The following RBFOX3 variants were observed in gnomAD, a reference collection of about 807,000 sequenced individuals.
RBFOX3 encodes the protein RNA binding protein fox-1 homolog 3.
A neutral mutation model predicts 48.7 loss-of-function variants in RBFOX3; 17 were observed. The ratio of observed to expected loss-of-function variants is 0.35; its 90% confidence interval spans 0.24 to 0.52. The LOEUF (loss-of-function observed/expected upper bound fraction) is 0.52, where lower values mean the gene tolerates loss of function less well. Among genes scored for constraint, RBFOX3 ranks in the 20% least tolerant of loss-of-function variants. The probability of loss-of-function intolerance (pLI) is 0.94; values close to 1 mark genes in which losing one functional copy is unlikely to be tolerated. For missense variants in RBFOX3, 382 were observed against 497.5 expected (o/e 0.77, Z 2.21); for synonymous variants, 212 against 209.5 (o/e 1.01, Z -0.10).
intron 2 of RBFOX3, among the ~76,000 whole-genome samples, chr17:79,445,851 G>C (rs1176585398): frequency 6.6e-6 from 1 of 152,220 alleles, no homozygotes; most frequent in Non-Finnish European, 1.5e-5. Context: ...GCAGAGGGCA[G>C]GGGCTCTCTG....
At chr17:79,360,088 T>A (rs540316657) in intron 2 of RBFOX3, among the ~76,000 whole-genome samples, 21 of 152,074 alleles carry the variant, frequency 1.4e-4, no homozygotes, top group African/African-American at 4.8e-4. Flanking sequence ...TATGACTGGG[T>A]GTTTGCCTTT....
Position 79,580,370 on chromosome 17 carries a change from C to G in RBFOX3, c.-320+30456G>C, listed in dbSNP as rs1274360537. ...TCAGCCAACAACTCCCTCATCCCAC[C>G]CCGAGCAACAGCATGTCCTATCTTT... On this transcript the variant is annotated intron_variant, in intron 1 of 14. Transcript: ENST00000693108. 7.9e-5 allele frequency among the ~76,000 whole-genome samples: 12 copies of G among 151,602 alleles called. No homozygotes were observed. In the East Asian group the frequency reaches 2.3e-3, roughly 30 times the overall value.
rs1043675886 is a variant in RBFOX3, at chr17:79,338,007, C to T, written c.-174-30183G>A. 6.0e-5 allele frequency among the ~76,000 whole-genome samples: 9 copies of T among 151,110 alleles called. No individual in the cohort carries two copies. In the East Asian group the frequency reaches 7.8e-4, roughly 13 times the overall value. On this transcript the variant is annotated intron_variant, in intron 2 of 14. Transcript: ENST00000693108. Reference sequence around the variant, plus strand: ...AGGTTGGAGCGCAGTGGCGCGATCTCGGCTCACTGCAACCTCTGCCTCCTG... The same window carrying T: ...AGGTTGGAGCGCAGTGGCGCGATCTTGGCTCACTGCAACCTCTGCCTCCTG...
chr17:79,403,991 G>T (rs771852055), intron 2 of RBFOX3, among the ~76,000 whole-genome samples: 1 of 152,080 alleles, frequency 6.6e-6, no homozygotes, highest in Non-Finnish European at 1.5e-5. Context: ...TGTTAACCAG[G>T]ATGGTCTTGA....
At chr17:79,639,102 C>T in the RBFOX3 span, among the ~76,000 whole-genome samples, 3 of 152,242 alleles carry the variant, frequency 2.0e-5, no homozygotes, top group East Asian at 5.8e-4. Flanking sequence ...AATACTAGTT[C>T]TTCTTAAAGT....
In RBFOX3 at chr17:79,198,792, A is replaced by AT. The variant is rs577344350; in HGVS notation, c.-34+36973dup. 0.012 allele frequency among the ~76,000 whole-genome samples: 1,859 copies of AT among 151,870 alleles called. 79 individuals carry two copies. Among genetic ancestry groups the AT allele is most frequent in the Admixed American group, 0.075 (1,150 of 15,244 alleles). On this transcript the variant is annotated intron_variant, in intron 4 of 14. Coordinates refer to ENST00000693108, the MANE Select transcript of RBFOX3 (RefSeq NM_001350451.2). The surrounding 1 kb of genome is among the most constrained non-coding windows in gnomAD (Gnocchi z 8.2). ...AGGCATGTGCCACCACACCCAGCTA[A>AT]TTTTTTTTGTACTTTTGGTAGAGAT...
intron 4 of RBFOX3, among the ~76,000 whole-genome samples, chr17:79,219,578 C>A (rs953151934): frequency 4.6e-5 from 7 of 152,110 alleles, no homozygotes; most frequent in African/African-American, 1.7e-4. Flanking sequence ...AGACCCCTAC[C>A]CTGATTTTTC....
chr17:79,115,383 A>C, intron 5 of RBFOX3, 111 bp downstream of exon 5: 1 of 615,330 alleles, frequency 1.6e-6, no homozygotes. Context: ...GGCCCTGCCC[A>C]GGCCCCTCGC....
intron 2 of RBFOX3, among the ~76,000 whole-genome samples, chr17:79,414,854 A>G (rs1239816960): frequency 1.3e-5 from 2 of 152,224 alleles, no homozygotes; most frequent in East Asian, 1.9e-4. Context: ...GGGAGGAACC[A>G]TGCAGCAACC....
intron 2 of RBFOX3, among the ~76,000 whole-genome samples, chr17:79,378,275 C>T (rs563246575): frequency 2.0e-5 from 3 of 152,194 alleles, no homozygotes; most frequent in Admixed American, 1.3e-4. Context: ...AGACTCTTCT[C>T]CTAGAAGAGT....
At chr17:79,313,725 C>A (rs1324840163) in intron 2 of RBFOX3, among the ~76,000 whole-genome samples, 1 of 152,206 alleles carries the variant, frequency 6.6e-6, no homozygotes, top group Non-Finnish European at 1.5e-5. Context: ...GGGGCTGTGG[C>A]TTCAGCCCCG....
At chr17:79,608,624 C>T (rs2093892980) in intron 1 of RBFOX3, among the ~76,000 whole-genome samples, 2 of 152,152 alleles carry the variant, frequency 1.3e-5, no homozygotes, top group African/African-American at 4.8e-5. Flanking sequence ...GGCTTGGGTG[C>T]GTCCCTTCAA....
chr17:79,547,472 A>ACAAAC, intron 1 of RBFOX3, among the ~76,000 whole-genome samples: 1 of 145,074 alleles, frequency 6.9e-6, no homozygotes, highest in Non-Finnish European at 1.5e-5. Context: ...AAACAAAAAC[A>ACAAAC]AAAAAACTGT....
intron 5 of RBFOX3, among the ~76,000 whole-genome samples, chr17:79,108,317 C>T (rs1179814889): frequency 6.6e-6 from 1 of 152,238 alleles, no homozygotes; most frequent in African/African-American, 2.4e-5. Context: ...AGCATGGTCT[C>T]CCGTGTGGCC....
chr17:79,275,484 T>C (rs559211046), intron 3 of RBFOX3, among the ~76,000 whole-genome samples: 1 of 152,270 alleles, frequency 6.6e-6, no homozygotes, highest in Admixed American at 6.5e-5. Flanking sequence ...GTAGGCTTCA[T>C]GAGCTCAGGG....
intron 4 of RBFOX3, among the ~76,000 whole-genome samples, chr17:79,157,108 C>T (rs1382338274): frequency 1.3e-5 from 2 of 152,164 alleles, no homozygotes; most frequent in African/African-American, 4.8e-5. Flanking sequence ...CCCCCAGAGA[C>T]TCAGAGAAAC....
At chr17:79,619,064 G>A in the RBFOX3 span, among the ~76,000 whole-genome samples, 16 of 152,342 alleles carry the variant, frequency 1.1e-4, no homozygotes, top group Admixed American at 6.5e-4. Flanking sequence ...ATGCTAAGAC[G>A]TTGGCTATAA....
rs912403760 is a variant in RBFOX3, at chr17:79,195,713, G to A, written c.-34+40053C>T. 6.6e-6 allele frequency among the ~76,000 whole-genome samples: 1 copy of A among 152,142 alleles called. No homozygotes were observed. The highest frequency in any genetic ancestry group is 1.5e-5 in the Non-Finnish European group (1 of 68,018). On this transcript the variant is annotated intron_variant, in intron 4 of 14. Transcript: ENST00000693108. The surrounding 1 kb of genome is among the most constrained non-coding windows in gnomAD (Gnocchi z 5.3). ...TTTCCTTCTGTGCTCCCTCCCCTAC[G>A]ACCGGACAGCACCAGGAAACCAGCA...
intron 2 of RBFOX3, among the ~76,000 whole-genome samples, chr17:79,438,746 G>A (rs1598697202): frequency 1.3e-5 from 2 of 152,358 alleles, no homozygotes; most frequent in East Asian, 3.9e-4. Context: ...CACCTGCTTT[G>A]CTTGGCTTCT....
Sources: gnomAD v4.1 joint callset for allele counts (sites outside exome capture counted in the v4.1 genomes callset) on GRCh38, gnomAD v4.1.1 for gene constraint, Gnocchi (gnomAD v3.1) non-coding constraint, MANE v1.5 for transcripts, NCBI Gene and HGNC (gene_info 2026-07-23, HGNC 2026-07-21) for gene names.